Variants in RIPK1 observed in about 807,000 individuals in gnomAD.
RIPK1 encodes receptor interacting serine/threonine kinase 1, also known as receptor-interacting serine/threonine-protein kinase 1.
In RIPK1, 27 loss-of-function variants were observed where a neutral mutation model predicts 62.4. The ratio of observed to expected loss-of-function variants is 0.43; its 90% CI spans 0.32 to 0.60. RIPK1 has a LOEUF of 0.60. RIPK1 is among the 20% of genes least tolerant of loss of function. The probability of loss-of-function intolerance (pLI) is 0.07; values close to 1 mark genes in which losing one functional copy is unlikely to be tolerated. For missense variants in RIPK1, 735 were observed against 831.0 expected, an observed-to-expected ratio of 0.88 and a Z score of 1.42; for synonymous variants, 287 against 303.2, an observed-to-expected ratio of 0.95 and a Z score of 0.55.
Position 3,105,816 on chromosome 6 carries a change from T to C in RIPK1, c.1341T>C (p.Asn447=). The change falls in exon 9 of 11, where the codon AAT becomes AAC. Residue 447 remains asparagine (N), a synonymous_variant. Coordinates refer to ENST00000259808, the MANE Select transcript of RIPK1 (RefSeq NM_001354930.2). The surrounding 1 kb of genome is among the most constrained non-coding windows in gnomAD (Gnocchi z 4.5). ...ATTCCAGTGCAGCCAGTCATGGTAA[T>C]GCAGTGCACCAGCCCTCAGGGCTCA... ...TAYSSAASHG[N]AVHQPSGLTS... 3.7e-6 allele frequency: 6 copies of C among 1,614,170 alleles called. No individual in the cohort carries two copies. The highest frequency in any genetic ancestry group is 4.2e-6 in the Non-Finnish European group (5 of 1,179,992).
intron 2 of RIPK1, among the ~76,000 whole-genome samples, chr6:3,077,456 GTTT>G (rs111604018): frequency 7.1e-6 from 1 of 141,780 alleles, no homozygotes; most frequent in Non-Finnish European, 1.6e-5. Context: ...GAGAGAGGCT[GTTT>G]TTTTTTTTTT....
At chr6:3,070,434 T>C (rs1247310142) in intron 1 of RIPK1, among the ~76,000 whole-genome samples, 1 of 152,184 alleles carries the variant, frequency 6.6e-6, no homozygotes, top group African/African-American at 2.4e-5. Context: ...CAAAAATACA[T>C]GAGCCGTGTA....
chr6:3,080,808 CG>C lies in RIPK1; in HGVS notation c.322-170del, dbSNP rs1759337430. Among the ~76,000 whole-genome samples, 3 of 151,338 alleles carry C rather than the reference CG, an allele frequency of 2.0e-5. No individual in the cohort carries two copies. In the South Asian group the frequency reaches 6.2e-4, roughly 32 times the overall value. ...AACACGAATACCCTCTGCCCCCCCC[CG>C]AATGAAATCTTTCTTGTTTCCCAGT... On this transcript the variant is annotated intron_variant, in intron 3 of 10. Transcript: ENST00000259808.
In RIPK1 at chr6:3,105,768, T is replaced by A; in HGVS notation, c.1293T>A (p.Asn431Lys). ...AAAGACCTTACGAGAATTTTCAGAA[T>A]ACAGAGGGAAAAGGCACTGCTTATT... ...AQQRPYENFQ[N>K]TEGKGTAYSS... The change falls in exon 9 of 11, where the codon AAT becomes AAA. Residue 431 changes from asparagine (N) to lysine (K), a missense_variant. Physicochemically the swap from Asn to Lys is moderately conservative, Grantham distance 94. Transcript: ENST00000259808. The surrounding 1 kb of genome is among the most constrained non-coding windows in gnomAD (Gnocchi z 4.5). 6.2e-7 allele frequency: 1 copy of A among 1,614,160 alleles called. No homozygotes were observed. The highest frequency in any genetic ancestry group is 8.5e-7 in the Non-Finnish European group (1 of 1,180,036).
chr6:3,094,046 G>GAGTGCCTACCTGC (rs1760129947), intron 7 of RIPK1, among the ~76,000 whole-genome samples: 1 of 142,340 alleles, frequency 7.0e-6, no homozygotes, highest in Non-Finnish European at 1.5e-5. Flanking sequence ...AGTAACTGCA[G>GAGTGCCTACCTGC]CGCGCCTACC....
chr6:3,112,938 CT>C, intron 10 of RIPK1, 114 bp from the exon 11 acceptor site: 1 of 848,332 alleles, frequency 1.2e-6, no homozygotes, highest in Non-Finnish European at 1.8e-6. Flanking sequence ...AAGAAGTTAT[CT>C]TTTTCACTGT....
chr6:3,101,253 A>G (rs1011657630), intron 7 of RIPK1, among the ~76,000 whole-genome samples: 1 of 152,170 alleles, frequency 6.6e-6, no homozygotes, highest in Non-Finnish European at 1.5e-5. Context: ...ACTCTGTCTC[A>G]AGAAAAAAAA....
intron 2 of RIPK1, 94 bp from the exon 3 acceptor site, chr6:3,077,684 AC>A: frequency 7.3e-7 from 1 of 1,364,050 alleles, no homozygotes; most frequent in Non-Finnish European, 1.0e-6. Flanking sequence ...CCCAAGCATG[AC>A]CCCAGCACGT....
At chr6:3,079,210 G>A (rs1759250188) in intron 3 of RIPK1, among the ~76,000 whole-genome samples, 1 of 152,166 alleles carries the variant, frequency 6.6e-6, no homozygotes, top group Admixed American at 6.5e-5. Flanking sequence ...CTCTTGAGTA[G>A]CTGGGATTAC....
chr6:3,070,905 T>C (rs895090843), intron 1 of RIPK1, among the ~76,000 whole-genome samples: 2 of 152,244 alleles, frequency 1.3e-5, no homozygotes, highest in African/African-American at 2.4e-5. Context: ...TAGTGAAAGT[T>C]TGAATGAAGG....
At chr6:3,111,980 C>T (rs1308486926) in intron 10 of RIPK1, among the ~76,000 whole-genome samples, 1 of 152,120 alleles carries the variant, frequency 6.6e-6, no homozygotes, top group Non-Finnish European at 1.5e-5. Context: ...TCCTTATATT[C>T]TGTTTAATGA....
chr6:3,108,746 T>G (rs1336559833), intron 9 of RIPK1, among the ~76,000 whole-genome samples: 1 of 152,128 alleles, frequency 6.6e-6, no homozygotes, highest in African/African-American at 2.4e-5. Context: ...TTGCTAGGAT[T>G]CCAAGGACCC....
intron 3 of RIPK1, among the ~76,000 whole-genome samples, chr6:3,078,764 GTCAAATGATT>G (rs1279975198): frequency 1.3e-5 from 2 of 152,200 alleles, no homozygotes; most frequent in Non-Finnish European, 2.9e-5. Flanking sequence ...GTTTACCAAA[GTCAAATGATT>G]TGAAAACATT....
Position 3,105,496 on chromosome 6 carries a change from G to A in RIPK1, c.1021G>A (p.Gly341Ser), listed in dbSNP as rs200610530. 9.7e-6 allele frequency: 15 copies of A among 1,549,788 alleles called. No homozygotes were observed. In the East Asian group the frequency reaches 3.1e-4, roughly 33 times the overall value. ...TTTCTTCTCAGCCACAGAACAGCCT[G>A]GTTCACTGCACAGTTCCCAGGGACT... ...SRSNSATEQP[G>S]SLHSSQGLGM... is the part of the protein sequence containing the mutation. The change falls in exon 9 of 11, where the codon GGT becomes AGT. Residue 341 changes from glycine to serine, a missense_variant. Gly to Ser is a moderately conservative substitution (Grantham distance 56). This residue lies in a region of RIPK1 where 671 missense variants were observed against 726.2 expected (regional missense o/e 0.92). Transcript: ENST00000259808. The surrounding 1 kb of genome is among the most constrained non-coding windows in gnomAD (Gnocchi z 4.5).
Position 3,110,833 on chromosome 6 carries a change from G to C in RIPK1, c.1607G>C (p.Ser536Thr). 2.5e-6 allele frequency: 4 copies of C among 1,586,920 alleles called. No individual in the cohort carries two copies. The highest frequency in any genetic ancestry group is 3.5e-6 in the Non-Finnish European group (4 of 1,155,504). ...TCTATAAAATATACCATATACAATAGTACTGGCATTCAGATTGGAGCCTAC... is the reference window on the plus strand; with the variant it reads ...TCTATAAAATATACCATATACAATACTACTGGCATTCAGATTGGAGCCTAC... The part of the protein sequence containing the change: ...DESIKYTIYN[S>T]TGIQIGAYNY... Residue 536 changes from serine (S) to threonine (T), a missense_variant, in exon 10 of 11, where the codon AGT becomes ACT. By Grantham distance (58) the Ser-to-Thr change is moderately conservative. Coordinates refer to ENST00000259808, the MANE Select transcript of RIPK1 (RefSeq NM_001354930.2).
chr6:3,075,465 C>T (rs1465676450), intron 1 of RIPK1, among the ~76,000 whole-genome samples: 1 of 152,160 alleles, frequency 6.6e-6, no homozygotes, highest in Non-Finnish European at 1.5e-5. Flanking sequence ...TTGCATTGTT[C>T]TTTTTATATT....
chr6:3,112,985 C>G (rs999451880), intron 10 of RIPK1, 68 bp from the exon 11 acceptor site: 44 of 1,369,922 alleles, frequency 3.2e-5, no homozygotes, highest in Admixed American at 1.2e-4. Flanking sequence ...GGTTTTTTAG[C>G]AATTCAGGAA....
At chr6:3,068,252 C>G (rs1212950570), upstream of RIPK1, 1 of 985,424 alleles carries the variant, frequency 1.0e-6, no homozygotes, top group African/African-American at 1.7e-5. Context: ...GATAGCGCCC[C>G]CGCTGTAATC....
chr6:3,081,189 C>T (rs1440785972), intron 4 of RIPK1, 73 bp downstream of exon 4: 31 of 1,528,712 alleles, frequency 2.0e-5, no homozygotes, highest in Middle Eastern at 3.5e-4. Context: ...AATCCATTCT[C>T]GTACATTGGA....
Sources: allele counts gnomAD v4.1 joint callset (sites outside exome capture counted in the v4.1 genomes callset), GRCh38; gene constraint gnomAD v4.1.1; regional missense constraint gnomAD v4.1.1; non-coding constraint Gnocchi (gnomAD v3.1); transcripts MANE v1.5; gene names NCBI Gene and HGNC (gene_info 2026-07-23, HGNC 2026-07-21).